The following CSMD1 variants were observed in gnomAD, a reference collection of about 807,000 sequenced individuals.
CSMD1 encodes the protein CUB and Sushi multiple domains 1, also known as CUB and sushi domain-containing protein 1.
A neutral mutation model predicts 417.5 loss-of-function variants in CSMD1; 213 were observed. That is an observed-to-expected ratio of 0.51 (90% CI 0.46 to 0.57). The LOEUF is 0.57. Ranked by LOEUF, CSMD1 falls within the 20% of genes least tolerant of loss-of-function variation. CSMD1 has a pLI of 0.00. For synonymous variants in CSMD1, 2,862 were observed against 1,736.8 expected, an observed-to-expected ratio of 1.65 and a Z score of -16.11; for missense variants, 6,923 against 4,529.7, an observed-to-expected ratio of 1.53 and a Z score of -15.17.
intron 5 of CSMD1, among the ~76,000 whole-genome samples, chr8:3,957,750 A>C (rs577531848): frequency 1.3e-3 from 192 of 152,282 alleles, no homozygotes; most frequent in African/African-American, 4.1e-3. Context: ...AAAAGAAAAA[A>C]GAAAAGTATG....
intron 3 of CSMD1, among the ~76,000 whole-genome samples, chr8:4,335,192 C>A (rs1800098453): frequency 1.3e-5 from 2 of 152,078 alleles, no homozygotes; most frequent in Admixed American, 1.3e-4. Context: ...GTGTGAGCCA[C>A]CATGGCTGGC....
chr8:3,376,902 T>G (rs886481469), intron 18 of CSMD1, among the ~76,000 whole-genome samples: 1 of 152,198 alleles, frequency 6.6e-6, no homozygotes, highest in Non-Finnish European at 1.5e-5. Context: ...GCTTAAGATT[T>G]GAAGGGTAAT....
At chr8:4,042,622 T>G (rs1393948013) in intron 3 of CSMD1, among the ~76,000 whole-genome samples, 1 of 151,698 alleles carries the variant, frequency 6.6e-6, no homozygotes, top group Non-Finnish European at 1.5e-5. Context: ...TATGGGGAAT[T>G]ATAAAATATA....
At chr8:3,037,207 C>T (rs919072093) in intron 50 of CSMD1, among the ~76,000 whole-genome samples, 4 of 150,226 alleles carry the variant, frequency 2.7e-5, no homozygotes, top group African/African-American at 4.9e-5. Context: ...ACCACACTTT[C>T]TTTTTTTTGT....
At position 4,251,878 on chromosome 8, in the gene CSMD1, A is replaced by C. The variant is rs1490002039; in HGVS notation, c.415+168075T>G. Among the ~76,000 whole-genome samples, 9 of 137,182 alleles carry C rather than the reference A, an allele frequency of 6.6e-5. No homozygotes were observed. In the East Asian group the frequency reaches 2.0e-3, roughly 30 times the overall value. 90.0% of individuals were successfully genotyped at this position (137,182 alleles called of 152,430 possible). On this transcript the variant is annotated intron_variant, in intron 3 of 69. Coordinates refer to ENST00000635120, the MANE Select transcript of CSMD1 (RefSeq NM_033225.6). ...AGATGGAGGAGAGAGAGGGTGGAGGAAGAGGGGAAGGGAGGGGAGGGGAGG... is the reference window on the plus strand; with the variant it reads ...AGATGGAGGAGAGAGAGGGTGGAGGCAGAGGGGAAGGGAGGGGAGGGGAGG...
intron 1 of CSMD1, among the ~76,000 whole-genome samples, chr8:4,648,109 T>A (rs980948646): frequency 5.3e-5 from 8 of 152,242 alleles, no homozygotes; most frequent in African/African-American, 1.9e-4. Flanking sequence ...ATTGCCATTC[T>A]GACTGGCATG....
chr8:3,394,827 C>A (rs984564440), intron 17 of CSMD1, among the ~76,000 whole-genome samples: 3 of 152,040 alleles, frequency 2.0e-5, no homozygotes, highest in Non-Finnish European at 4.4e-5. Context: ...TACTTTGGAG[C>A]AAATGTTGTA....
intron 3 of CSMD1, among the ~76,000 whole-genome samples, chr8:4,193,790 C>G (rs1380712615): frequency 6.6e-6 from 1 of 151,922 alleles, no homozygotes; most frequent in Non-Finnish European, 1.5e-5. Flanking sequence ...GGGATGACAT[C>G]GAAGGATGCT....
At chr8:4,041,150 G>C (rs1339393255) in intron 3 of CSMD1, among the ~76,000 whole-genome samples, 1 of 151,308 alleles carries the variant, frequency 6.6e-6, no homozygotes, top group Non-Finnish European at 1.5e-5. Context: ...CCGAGTAGCT[G>C]GGACTACAGG....
chr8:4,259,701 C>T (rs949943970), intron 3 of CSMD1, among the ~76,000 whole-genome samples: 1 of 152,096 alleles, frequency 6.6e-6, no homozygotes, highest in Admixed American at 6.6e-5. Context: ...TCATCATGTA[C>T]ACATTTCAAT....
chr8:3,435,091 A>G (rs577751464), intron 12 of CSMD1, among the ~76,000 whole-genome samples: 5 of 152,224 alleles, frequency 3.3e-5, no homozygotes, highest in African/African-American at 1.2e-4. Context: ...AATCCATGGA[A>G]GAGAGACGGA....
In CSMD1 at chr8:3,417,998, A is replaced by T. The variant is rs553704839; in HGVS notation, c.1562-8393T>A. 8.5e-5 allele frequency among the ~76,000 whole-genome samples: 13 copies of T among 152,314 alleles called. No homozygotes were observed. The South Asian group carries it at 2.7e-3, about 32-fold the overall frequency. ...CATCAGTGACATAAGCCCAGAAAGT[A>T]GCGGATTGCTGTTACAGTGGCCTGT... is the stretch of plus-strand genomic sequence containing the variant. On this transcript the variant is annotated intron_variant, in intron 12 of 69. Transcript: ENST00000635120.
intron 3 of CSMD1, among the ~76,000 whole-genome samples, chr8:4,164,799 T>G (rs377480329): frequency 1.3e-5 from 2 of 151,456 alleles, no homozygotes; most frequent in Non-Finnish European, 2.9e-5. Flanking sequence ...TGGCGTGAAA[T>G]CCAGAGGTGG....
At chr8:4,755,820 T>C (rs554153569) in intron 1 of CSMD1, among the ~76,000 whole-genome samples, 48 of 152,208 alleles carry the variant, frequency 3.2e-4, no homozygotes, top group Non-Finnish European at 5.3e-4. Context: ...CACTATCTTA[T>C]TGTTACATTA....
intron 3 of CSMD1, among the ~76,000 whole-genome samples, chr8:4,052,259 G>C (rs906697338): frequency 2.6e-5 from 4 of 152,196 alleles, no homozygotes; most frequent in African/African-American, 9.7e-5. Flanking sequence ...TGGGAGTCCA[G>C]ACAGGGCACA....
chr8:3,948,788 A>C (rs951622267), intron 5 of CSMD1, among the ~76,000 whole-genome samples: 1 of 151,994 alleles, frequency 6.6e-6, no homozygotes. Flanking sequence ...TTACAATCAA[A>C]AGCAGTTTTA....
intron 1 of CSMD1, among the ~76,000 whole-genome samples, chr8:4,792,299 G>T (rs1025413001): frequency 6.6e-6 from 1 of 152,148 alleles, no homozygotes. Context: ...AAGGTGCATG[G>T]TCCCTAAGAG....
chr8:4,182,292 A>G (rs1798423881), intron 3 of CSMD1, among the ~76,000 whole-genome samples: 1 of 152,118 alleles, frequency 6.6e-6, no homozygotes, highest in South Asian at 2.1e-4. Context: ...AAAGAGGGTA[A>G]AGTTCTAAGC....
At chr8:4,816,951 G>A (rs1204739180) in intron 1 of CSMD1, among the ~76,000 whole-genome samples, 3 of 152,106 alleles carry the variant, frequency 2.0e-5, no homozygotes, top group African/African-American at 7.2e-5. Flanking sequence ...TTGCATTGAA[G>A]GACAGCTACC....
Sources: allele counts gnomAD v4.1 joint callset (sites outside exome capture counted in the v4.1 genomes callset), GRCh38; gene constraint gnomAD v4.1.1; transcripts MANE v1.5; gene names NCBI Gene and HGNC (gene_info 2026-07-23, HGNC 2026-07-21).